Variants in CPT2 observed in about 807,000 individuals in gnomAD.
CPT2 encodes carnitine O-palmitoyltransferase 2, mitochondrial.
In CPT2, 37 loss-of-function variants were observed where a neutral mutation model predicts 48.6. The observed-to-expected ratio is 0.76, with a 90% CI of 0.59 to 1.00. The LOEUF (loss-of-function observed/expected upper bound fraction) is 1.00, where lower values mean the gene tolerates loss of function less well. CPT2 is among the 50% of genes least tolerant of loss of function. The probability of loss-of-function intolerance (pLI) is 0.00; values close to 1 mark genes in which losing one functional copy is unlikely to be tolerated. For synonymous variants in CPT2, 319 were observed against 326.9 expected (o/e 0.98, Z 0.26); for missense variants, 772 against 825.6 (o/e 0.94, Z 0.80).
intron 3 of CPT2, among the ~76,000 whole-genome samples, chr1:53,205,367 C>T (rs1439414140): frequency 6.6e-6 from 1 of 152,136 alleles, no homozygotes; most frequent in African/African-American, 2.4e-5. Flanking sequence ...ACAGAAGAAA[C>T]TTCTAAGCAA....
chr1:53,202,703 C>T, intron 3 of CPT2: 1 of 474,998 alleles, frequency 2.1e-6, no homozygotes, highest in Non-Finnish European at 3.9e-6. Flanking sequence ...GAAAAGGATG[C>T]AGGATTAAGT....
intron 1 of CPT2, chr1:53,197,376 G>T: frequency 1.9e-6 from 1 of 523,904 alleles, no homozygotes; most frequent in Non-Finnish European, 3.4e-6. Flanking sequence ...CTAACTTCCA[G>T]CCAGCTATCC....
chr1:53,207,159 T>C (rs999279948), intron 3 of CPT2, among the ~76,000 whole-genome samples: 7 of 152,204 alleles, frequency 4.6e-5, no homozygotes, highest in African/African-American at 1.7e-4. Context: ...CCCTTTGCCT[T>C]CCACCATGAT....
Position 53,200,819 on chromosome 1 carries a change from G to A in CPT2, c.233+20G>A, listed in dbSNP as rs766280103. On this transcript the variant is annotated intron_variant, in intron 2 of 4. Transcript: ENST00000371486. ...GTTCAGGTAAACACTGAGAACCTTG[G>A]GTGAGCATAGTTGGGGTGGTTCAAG... The A allele has an allele frequency of 2.1e-5, 34 of 1,593,108 alleles. No homozygotes were observed. The highest frequency in any genetic ancestry group is 2.9e-5 in the Non-Finnish European group (34 of 1,160,910).
In CPT2 at chr1:53,200,786, G is replaced by A. The variant is rs773897404; in HGVS notation, c.220G>A (p.Asp74Asn). 6.2e-7 allele frequency: 1 copy of A among 1,613,606 alleles called. No individual in the cohort carries two copies. The highest frequency in any genetic ancestry group is 8.5e-7 in the Non-Finnish European group (1 of 1,179,634). ...CAGTGCACAGAAGCCTCTCTTGAAT[G>A]ATGGCCAGTTCAGGTAAACACTGAG... ...YLSAQKPLLNDGQFRKTEQFC... is the reference protein window; with the variant it reads ...YLSAQKPLLNNGQFRKTEQFC... Residue 74 changes from aspartate to asparagine, a missense_variant, in exon 2 of 5, where the codon GAT becomes AAT. Asp to Asn is a conservative substitution (Grantham distance 23). Coordinates refer to ENST00000371486, the MANE Select transcript of CPT2 (RefSeq NM_000098.3).
intron 3 of CPT2, among the ~76,000 whole-genome samples, chr1:53,206,893 A>G (rs1397845629): frequency 1.3e-5 from 2 of 152,214 alleles, no homozygotes; most frequent in African/African-American, 2.4e-5. Context: ...TTAGAAGTAC[A>G]TGAAATTTGG....
intron 1 of CPT2, among the ~76,000 whole-genome samples, chr1:53,199,130 G>A (rs1319603080): frequency 2.6e-5 from 4 of 151,726 alleles, no homozygotes; most frequent in African/African-American, 7.3e-5. Flanking sequence ...GCCCTATCTC[G>A]GCTCACTGCA....
At chr1:53,213,178 G>T in intron 4 of CPT2, 86 bp from the exon 5 acceptor site, 1 of 1,336,244 alleles carries the variant, frequency 7.5e-7, no homozygotes, top group Non-Finnish European at 1.1e-6. Flanking sequence ...GCTGTGAGGG[G>T]TATTCCTACC....
intron 3 of CPT2, chr1:53,202,718 T>C (rs1645361919): frequency 4.6e-6 from 2 of 437,550 alleles, no homozygotes; most frequent in Non-Finnish European, 8.5e-6. Context: ...TTAAGTCCTA[T>C]GTCCTATATC....
chr1:53,207,140 C>T (rs368784888), intron 3 of CPT2, among the ~76,000 whole-genome samples: 16 of 152,324 alleles, frequency 1.1e-4, no homozygotes, highest in Middle Eastern at 3.4e-3. Flanking sequence ...GTAAGATGTG[C>T]CTTGCTTCCC....
chr1:53,206,200 A>G (rs1645388528), intron 3 of CPT2, among the ~76,000 whole-genome samples: 1 of 151,784 alleles, frequency 6.6e-6, no homozygotes, highest in Non-Finnish European at 1.5e-5. Context: ...AAAAAAAAAA[A>G]AAAGAGACAA....
rs1024639640 is a variant in CPT2 at position 53,210,685 on chromosome 1, C to T, written c.1011C>T (p.His337=). Residue 337 remains histidine, a synonymous_variant, in exon 4 of 5, where the codon CAC becomes CAT. Transcript: ENST00000371486. The part of the protein sequence containing the change: ...LDDFPIKDLV[H]LSHNMLHGDG... ...ACTTCCCCATTAAGGACCTTGTCCA[C>T]TTGTCCCACAATATGCTGCATGGGG... is the stretch of plus-strand genomic sequence containing the variant. The T allele has an allele frequency of 1.2e-6, 2 of 1,614,196 alleles. No individual in the cohort carries two copies. Among genetic ancestry groups the T allele is most frequent in the African/African-American group, 1.3e-5 (1 of 75,030 alleles).
In CPT2 at chr1:53,210,463, T is replaced by G. The variant is rs1557717394; in HGVS notation, c.789T>G (p.Ile263Met). The G allele has an allele frequency of 1.9e-6, 3 of 1,613,988 alleles. No homozygotes were observed. Among genetic ancestry groups the G allele is most frequent in the Admixed American group, 3.3e-5 (2 of 60,000 alleles). Residue 263 changes from isoleucine to methionine, a missense_variant, in exon 4 of 5, where the codon ATT becomes ATG. Ile to Met is a conservative substitution (Grantham distance 10, BLOSUM62 1). Coordinates refer to ENST00000371486, the MANE Select transcript of CPT2 (RefSeq NM_000098.3). ...ATGTCCTGGATCAAGATGGGAACAT[T>G]GTGAGCCCCTCGGAAATCCAGGCAC... is the stretch of plus-strand genomic sequence containing the variant. ...IFDVLDQDGNIVSPSEIQAHL... is the reference protein window; with the variant it reads ...IFDVLDQDGNMVSPSEIQAHL...
In CPT2 at chr1:53,210,185, C is replaced by T. The variant is rs2229292; in HGVS notation, c.511C>T (p.Leu171=). The change falls in exon 4 of 5, where the codon CTG becomes TTG. Residue 171 remains leucine, a synonymous_variant. Coordinates refer to ENST00000371486, the MANE Select transcript of CPT2 (RefSeq NM_000098.3). ...RFLKTLRAGL[L]EPEVFHLNPA... is the part of the protein sequence containing the mutation. ...TCTGAAGACACTCCGGGCTGGCCTT[C>T]TGGAGCCAGAAGTGTTCCACTTGAA... The T allele has an allele frequency of 3.6e-3, 5,853 of 1,614,138 alleles. 187 individuals carry two copies. The African/African-American group carries it at 0.069, about 19-fold the overall frequency.
intron 1 of CPT2, 36 bp from the exon 2 acceptor site, chr1:53,200,683 A>T: frequency 6.7e-7 from 1 of 1,482,840 alleles, no homozygotes; most frequent in Non-Finnish European, 9.4e-7. Flanking sequence ...TCTTCCATAT[A>T]CTGTCAGCCT....
In CPT2 at chr1:53,210,252, G is replaced by A. The variant is rs765824169; in HGVS notation, c.578G>A (p.Arg193His). The change falls in exon 4 of 5, where the codon CGC becomes CAC. Residue 193 changes from arginine (R) to histidine (H), a missense_variant. Arg to His is a conservative substitution (Grantham distance 29). Coordinates refer to ENST00000371486, the MANE Select transcript of CPT2 (RefSeq NM_000098.3). ...ACTATCACCTTCAAGAGACTCATAC[G>A]CTTTGTGCCTTCCTCTCTGTCCTGG... ...SDTITFKRLI[R>H]FVPSSLSWYG... is the part of the protein sequence containing the mutation. 7 of 1,614,012 alleles carry A rather than the reference G, an allele frequency of 4.3e-6. No homozygotes were observed. Among genetic ancestry groups the A allele is most frequent in the Admixed American group, 3.3e-5 (2 of 59,998 alleles).
Position 53,210,261 on chromosome 1 carries a change from C to T in CPT2, c.587C>T (p.Pro196Leu), listed in dbSNP as rs758823353. The stretch of plus-strand genomic sequence containing the variant: ...TTCAAGAGACTCATACGCTTTGTGC[C>T]TTCCTCTCTGTCCTGGTATGGGGCC... The part of the protein sequence containing the change: ...ITFKRLIRFV[P>L]SSLSWYGAYL... The change falls in exon 4 of 5, where the codon CCT (proline) becomes CTT (leucine). Residue 196 changes from proline (P) to leucine (L), a missense_variant. Pro to Leu is a moderately conservative substitution (Grantham distance 98, BLOSUM62 -3). Coordinates refer to ENST00000371486, the MANE Select transcript of CPT2 (RefSeq NM_000098.3). 3 of 1,614,090 alleles carry T rather than the reference C, an allele frequency of 1.9e-6. No individual in the cohort carries two copies. Among genetic ancestry groups the T allele is most frequent in the Admixed American group, 3.3e-5 (2 of 60,006 alleles).
chr1:53,213,090 A>G (rs1195699900), intron 4 of CPT2, 174 bp from the exon 5 acceptor site: 1 of 635,998 alleles, frequency 1.6e-6, no homozygotes, highest in East Asian at 2.7e-5. Context: ...AATTTAAAAT[A>G]ATCTAGCTTG....
At position 53,196,940 on chromosome 1, in the gene CPT2, G is replaced by A; in HGVS notation, c.-4G>A. 3.2e-6 allele frequency: 5 copies of A among 1,545,632 alleles called. No homozygotes were observed. Among genetic ancestry groups the A allele is most frequent in the Non-Finnish European group, 4.3e-6 (5 of 1,154,722 alleles). On this transcript the variant is annotated 5_prime_UTR_variant, in exon 1 of 5. Transcript: ENST00000371486. ...CGTTCTCGCCGCCGCAGGCTCCCGG[G>A]ACGATGGTGCCCCGCCTGCTGCTGC...
Sources: allele counts gnomAD v4.1 joint callset (sites outside exome capture counted in the v4.1 genomes callset), GRCh38; gene constraint gnomAD v4.1.1; transcripts MANE v1.5; gene names NCBI Gene and HGNC (gene_info 2026-07-23, HGNC 2026-07-21).